Variants in ST6GALNAC3 observed in about 807,000 individuals in gnomAD.
ST6GALNAC3 encodes alpha-N-acetylgalactosaminide alpha-2,6-sialyltransferase 3.
A neutral mutation model predicts 32.7 loss-of-function variants in ST6GALNAC3; 25 were observed. The observed-to-expected ratio is 0.76, with a 90% CI of 0.56 to 1.07. The LOEUF (loss-of-function observed/expected upper bound fraction) is 1.07, where lower values mean the gene tolerates loss of function less well. ST6GALNAC3 is among the 50% of genes least tolerant of loss of function. The pLI, the probability that ST6GALNAC3 is intolerant of heterozygous loss-of-function variation, is 0.00. For missense variants in ST6GALNAC3, 355 were observed against 382.4 expected, an observed-to-expected ratio of 0.93 and a Z score of 0.60; for synonymous variants, 129 against 133.1, an observed-to-expected ratio of 0.97 and a Z score of 0.21.
At chr1:76,182,020 C>T (rs1221463854) in intron 1 of ST6GALNAC3, among the ~76,000 whole-genome samples, 1 of 152,148 alleles carries the variant, frequency 6.6e-6, no homozygotes, top group African/African-American at 2.4e-5. Context: ...ATGTGGCCAG[C>T]TATCACCCTG....
intron 3 of ST6GALNAC3, among the ~76,000 whole-genome samples, chr1:76,562,583 C>T (rs776411178): frequency 1.4e-4 from 21 of 152,166 alleles, no homozygotes; most frequent in Non-Finnish European, 1.6e-4. Context: ...CAGAGCCAAA[C>T]GTCTGTCCAC....
At chr1:76,348,623 G>C (rs1438269221) in intron 2 of ST6GALNAC3, among the ~76,000 whole-genome samples, 1 of 152,122 alleles carries the variant, frequency 6.6e-6, no homozygotes, top group Non-Finnish European at 1.5e-5. Flanking sequence ...TGAAAATGCT[G>C]ATGCCAATTT....
At chr1:76,582,098 A>T (rs1646899669) in intron 3 of ST6GALNAC3, among the ~76,000 whole-genome samples, 1 of 152,308 alleles carries the variant, frequency 6.6e-6, no homozygotes, top group African/African-American at 2.4e-5. Flanking sequence ...AACCAGTTTG[A>T]CTAGACCATT....
At chr1:76,168,536 C>G (rs1039836959) in intron 1 of ST6GALNAC3, among the ~76,000 whole-genome samples, 1 of 152,164 alleles carries the variant, frequency 6.6e-6, no homozygotes. Context: ...AATTTTCTCT[C>G]TCACTGGTCT....
At chr1:76,153,069 G>A (rs771911571) in intron 1 of ST6GALNAC3, among the ~76,000 whole-genome samples, 26 of 152,160 alleles carry the variant, frequency 1.7e-4, no homozygotes, top group Non-Finnish European at 3.2e-4. Flanking sequence ...CCAGAAGTGG[G>A]AAGACCATTT....
At chr1:76,579,335 GT>G (rs200956729) in intron 3 of ST6GALNAC3, among the ~76,000 whole-genome samples, 10 of 151,296 alleles carry the variant, frequency 6.6e-5, no homozygotes, top group South Asian at 2.1e-4. Flanking sequence ...TCTCCCACCT[GT>G]TTTTTTTGAG....
intron 1 of ST6GALNAC3, among the ~76,000 whole-genome samples, chr1:76,165,619 A>G (rs963009836): frequency 1.3e-5 from 2 of 152,182 alleles, no homozygotes; most frequent in African/African-American, 4.8e-5. Flanking sequence ...GGTTGAACTA[A>G]TTTACACTCC....
chr1:76,496,405 G>C (rs768618587), intron 3 of ST6GALNAC3, among the ~76,000 whole-genome samples: 2 of 152,100 alleles, frequency 1.3e-5, no homozygotes, highest in Non-Finnish European at 2.9e-5. Flanking sequence ...CAGATGCGAG[G>C]GATGGATTCA....
At chr1:76,617,864 C>G (rs929738103) in intron 3 of ST6GALNAC3, among the ~76,000 whole-genome samples, 1 of 152,154 alleles carries the variant, frequency 6.6e-6, no homozygotes, top group African/African-American at 2.4e-5. Context: ...GAAGGAGATT[C>G]CAGAATTTGA....
chr1:76,413,767 G>A (rs1476949431), intron 3 of ST6GALNAC3, among the ~76,000 whole-genome samples: 1 of 152,128 alleles, frequency 6.6e-6, no homozygotes, highest in Non-Finnish European at 1.5e-5. Flanking sequence ...ATGACAGGCA[G>A]TAGAGATGAA....
chr1:76,314,448 A>T lies in ST6GALNAC3; in HGVS notation c.213+449A>T, dbSNP rs140101295. Among the ~76,000 whole-genome samples the T allele has an allele frequency of 7.6e-4, 115 of 152,268 alleles. 1 individual carries two copies. Among genetic ancestry groups the T allele is most frequent in the Non-Finnish European group, 7.1e-4 (48 of 68,020 alleles). On this transcript the variant is annotated intron_variant, in intron 2 of 4. Transcript: ENST00000328299. ...CCTGGAGCTAGAAAAGGCCAAGCTGATTTTAAAATTTGCAGTGGCTGCAGA... is the reference window on the plus strand; with the variant it reads ...CCTGGAGCTAGAAAAGGCCAAGCTGTTTTTAAAATTTGCAGTGGCTGCAGA...
chr1:76,100,766 C>T (rs11162080), intron 1 of ST6GALNAC3, among the ~76,000 whole-genome samples: 1 of 147,316 alleles, frequency 6.8e-6, no homozygotes, highest in East Asian at 2.0e-4. Flanking sequence ...CTTTAAAGTT[C>T]TGGTAGAATT....
chr1:76,529,633 T>A (rs1163719571), intron 3 of ST6GALNAC3, among the ~76,000 whole-genome samples: 2 of 152,308 alleles, frequency 1.3e-5, no homozygotes, highest in East Asian at 3.9e-4. Flanking sequence ...GGAATATGTA[T>A]GCAACTTTGA....
chr1:76,577,388 C>T lies in ST6GALNAC3; in HGVS notation c.624-50064C>T, dbSNP rs1020390885. 7 of 941,666 alleles carry T rather than the reference C, an allele frequency of 7.4e-6. No homozygotes were observed. The African/African-American group carries it at 8.9e-5, about 12-fold the overall frequency. 58.3% of individuals were successfully genotyped at this position (941,666 alleles called of 1,614,324 possible). A position where few individuals can be genotyped will look rare whatever the true frequency, so the allele number is the denominator to read the frequency against. ...AGCCTCTTAATCTTTTAGTGGAAATCGCTCTTGTGAAAACGAGCCCTGATA... is the reference window on the plus strand; with the variant it reads ...AGCCTCTTAATCTTTTAGTGGAAATTGCTCTTGTGAAAACGAGCCCTGATA... On this transcript the variant is annotated intron_variant, in intron 3 of 4. Transcript: ENST00000328299.
chr1:76,115,984 ATAGGCTCTGCTCTCAT>A (rs1416822551), intron 1 of ST6GALNAC3, among the ~76,000 whole-genome samples: 1 of 152,170 alleles, frequency 6.6e-6, no homozygotes, highest in Non-Finnish European at 1.5e-5. Flanking sequence ...AACTGGAGAG[ATAGGCTCTGCTCTCAT>A]TAAGCTTGTT....
intron 2 of ST6GALNAC3, among the ~76,000 whole-genome samples, chr1:76,363,717 TGCTG>T (rs1377896086): frequency 2.0e-4 from 31 of 152,324 alleles, no homozygotes; most frequent in African/African-American, 7.5e-4. Flanking sequence ...GGAAGCATGA[TGCTG>T]GCATCTCCTC....
rs149975986 is a variant in ST6GALNAC3 at position 76,315,115 on chromosome 1, C to A, written c.213+1116C>A. Among the ~76,000 whole-genome samples the A allele has an allele frequency of 1.1e-3, 166 of 152,058 alleles. 1 individual carries two copies. The highest frequency in any genetic ancestry group is 3.8e-3 in the African/African-American group (159 of 41,500). On this transcript the variant is annotated intron_variant, in intron 2 of 4. Coordinates refer to ENST00000328299, the MANE Select transcript of ST6GALNAC3 (RefSeq NM_152996.4). ...AAGCACCATTAATAACACATAAATT[C>A]TTAGAATCTTTGATGTTTATCCTCT...
chr1:76,366,594 C>T lies in ST6GALNAC3; in HGVS notation c.214-45414C>T, dbSNP rs559639998. ...CTTCCATATGATCATGGATATAAAACGATTAAACAGAAAGTTCACATTCAG... is the reference window on the plus strand; with the variant it reads ...CTTCCATATGATCATGGATATAAAATGATTAAACAGAAAGTTCACATTCAG... On this transcript the variant is annotated intron_variant, in intron 2 of 4. Transcript: ENST00000328299. 6.6e-5 allele frequency among the ~76,000 whole-genome samples: 10 copies of T among 152,188 alleles called. No homozygotes were observed. The South Asian group carries it at 1.9e-3, about 28-fold the overall frequency.
rs1190524309 is a variant in ST6GALNAC3 at position 76,141,212 on chromosome 1, A to G, written c.18+66328A>G. Among the ~76,000 whole-genome samples the G allele has an allele frequency of 2.1e-4, 32 of 152,198 alleles. 2 individuals carry two copies. The highest frequency in any genetic ancestry group is 2.1e-3 in the Admixed American group (32 of 15,284). ...GATTTATTTCATAATGCTGAGTTGC[A>G]GCACCCTTCATGGCTAGAGATTTTT... On this transcript the variant is annotated intron_variant, in intron 1 of 4. Transcript: ENST00000328299.
Sources: allele counts gnomAD v4.1 joint callset (sites outside exome capture counted in the v4.1 genomes callset), GRCh38; gene constraint gnomAD v4.1.1; transcripts MANE v1.5; gene names NCBI Gene and HGNC (gene_info 2026-07-23, HGNC 2026-07-21).